RNF111: variants seen among roughly 807,000 people sequenced by gnomAD.
RNF111 encodes the protein E3 ubiquitin-protein ligase Arkadia.
A neutral mutation model predicts 95.1 loss-of-function variants in RNF111; 17 were observed. The ratio of observed to expected loss-of-function variants is 0.18; its 90% CI spans 0.12 to 0.27. RNF111 has a LOEUF of 0.27. Ranked by LOEUF, RNF111 falls within the 10% of genes least tolerant of loss-of-function variation. The pLI is 1.00. For synonymous variants in RNF111, 440 were observed against 414.8 expected (o/e 1.06, Z -0.74); for missense variants, 1,189 against 1,210.4 (o/e 0.98, Z 0.26).
chr15:59,035,339 C>G (rs2041125181), intron 2 of RNF111, among the ~76,000 whole-genome samples: 1 of 152,136 alleles, frequency 6.6e-6, no homozygotes, highest in Non-Finnish European at 1.5e-5. Flanking sequence ...CAACAGTCCC[C>G]CAAAGTCTTA....
intron 1 of RNF111, among the ~76,000 whole-genome samples, chr15:59,023,508 A>G (rs995783835): frequency 2.7e-5 from 4 of 150,574 alleles, no homozygotes; most frequent in Non-Finnish European, 5.9e-5. Flanking sequence ...AAGGAAAGTC[A>G]TTGATTTTTG....
intron 1 of RNF111, among the ~76,000 whole-genome samples, chr15:58,991,027 T>C (rs1322507233): frequency 6.6e-6 from 1 of 151,864 alleles, no homozygotes; most frequent in African/African-American, 2.4e-5. Flanking sequence ...TGGGTGCGCT[T>C]GCTCATACCT....
chr15:58,989,715 T>C (rs2038726888), intron 1 of RNF111, among the ~76,000 whole-genome samples: 1 of 152,208 alleles, frequency 6.6e-6, no homozygotes, highest in Non-Finnish European at 1.5e-5. Context: ...CTACAGATTA[T>C]TGAGAGAGAG....
At chr15:59,088,289 G>C (rs1472970557) in intron 10 of RNF111, among the ~76,000 whole-genome samples, 1 of 152,186 alleles carries the variant, frequency 6.6e-6, no homozygotes, top group African/African-American at 2.4e-5. Flanking sequence ...CTGGAGGAAA[G>C]AGACTAGGGA....
intron 1 of RNF111, among the ~76,000 whole-genome samples, chr15:58,994,298 C>T (rs1200132417): frequency 6.6e-5 from 10 of 151,716 alleles, no homozygotes; most frequent in African/African-American, 2.4e-4. Context: ...CTTGGCCTCC[C>T]AAAGTGCTGG....
intron 2 of RNF111, among the ~76,000 whole-genome samples, chr15:59,039,425 G>A (rs1307004435): frequency 6.6e-6 from 1 of 152,174 alleles, no homozygotes; most frequent in Admixed American, 6.5e-5. Context: ...CCACTTCTCA[G>A]AATGACTTAG....
intron 2 of RNF111, among the ~76,000 whole-genome samples, chr15:59,037,665 C>T (rs777667954): frequency 9.9e-5 from 15 of 152,144 alleles, no homozygotes; most frequent in East Asian, 9.7e-4. Flanking sequence ...GGAGAAACCC[C>T]GTCTCTACTA....
Position 59,066,887 on chromosome 15 carries a change from T to C in RNF111, c.1490T>C (p.Leu497Ser). ...GGGTCGTCACAGAACCACCATGCAT[T>C]AGGACATCCTCATACAAGTTGCTTT... The part of the protein sequence containing the change: ...CGGSSQNHHA[L>S]GHPHTSCFQQ... The change falls in exon 6 of 14, where the codon TTA (leucine) becomes TCA (serine). Residue 497 changes from leucine (L) to serine (S), a missense_variant. Coordinates refer to ENST00000348370, the MANE Select transcript of RNF111 (RefSeq NM_017610.8). 1 of 1,614,032 alleles carries C rather than the reference T, an allele frequency of 6.2e-7. No individual in the cohort carries two copies. Among genetic ancestry groups the C allele is most frequent in the South Asian group, 1.1e-5 (1 of 91,076 alleles).
chr15:59,038,687 C>T (rs1314679170), intron 2 of RNF111, among the ~76,000 whole-genome samples: 6 of 152,140 alleles, frequency 3.9e-5, no homozygotes, highest in African/African-American at 1.4e-4. Context: ...ATAGACACTT[C>T]AACACACATG....
At chr15:59,013,272 C>G (rs574304980) in intron 1 of RNF111, among the ~76,000 whole-genome samples, 1 of 152,284 alleles carries the variant, frequency 6.6e-6, no homozygotes, top group African/African-American at 2.4e-5. Flanking sequence ...CTCAGTTACC[C>G]TTGTTGTTAA....
intron 2 of RNF111, chr15:59,049,502 A>G (rs1317547678): frequency 2.0e-5 from 4 of 196,726 alleles, no homozygotes; most frequent in African/African-American, 7.3e-5. Flanking sequence ...CTTCAGTTGT[A>G]CCTAGGTACC....
At chr15:59,005,117 A>G (rs1202247279) in intron 1 of RNF111, among the ~76,000 whole-genome samples, 8 of 152,332 alleles carry the variant, frequency 5.3e-5, no homozygotes, top group Non-Finnish European at 1.0e-4. Flanking sequence ...CAGTATGCCT[A>G]TACTGTCAGC....
At chr15:59,037,187 T>G (rs2041222079) in intron 2 of RNF111, among the ~76,000 whole-genome samples, 1 of 152,172 alleles carries the variant, frequency 6.6e-6, no homozygotes, top group African/African-American at 2.4e-5. Flanking sequence ...CTTCTTGCTG[T>G]CCCATTATTA....
intron 6 of RNF111, among the ~76,000 whole-genome samples, chr15:59,075,398 C>G (rs1009644945): frequency 1.3e-5 from 2 of 152,164 alleles, no homozygotes; most frequent in South Asian, 2.1e-4. Context: ...AAAGGTAATT[C>G]ATGATTTAGT....
intron 7 of RNF111, among the ~76,000 whole-genome samples, chr15:59,078,004 C>T (rs2078616369): frequency 6.6e-6 from 1 of 152,180 alleles, no homozygotes; most frequent in Non-Finnish European, 1.5e-5. Context: ...AACCTTTTTT[C>T]ATCCAGAATG....
At chr15:59,058,779 G>A in intron 5 of RNF111, 3 of 439,032 alleles carry the variant, frequency 6.8e-6, no homozygotes, top group Non-Finnish European at 8.2e-6. Flanking sequence ...GAGAGCTTGG[G>A]GAGAAGCAAA....
At chr15:59,045,254 G>T (rs929018700) in intron 2 of RNF111, among the ~76,000 whole-genome samples, 1 of 150,312 alleles carries the variant, frequency 6.7e-6, no homozygotes, top group Non-Finnish European at 1.5e-5. Context: ...GCAGTGGCAC[G>T]ATCTTGGCTC....
intron 3 of RNF111, among the ~76,000 whole-genome samples, 159 bp from the exon 4 acceptor site, chr15:59,055,523 T>TAGTTGGTGATTCATTCAGCAA (rs6145581): frequency 0.43 from 65,437 of 151,672 alleles, 15,198 homozygotes; most frequent in African/African-American, 0.61. Flanking sequence ...TTAGGTCAAT[T>TAGTTGGTGATTCATTCAGCAA]AGTTTACCGA....
intron 1 of RNF111, among the ~76,000 whole-genome samples, chr15:59,006,322 A>G (rs1448819290): frequency 2.6e-5 from 4 of 152,204 alleles, no homozygotes; most frequent in South Asian, 4.1e-4. Context: ...AAAACATTCC[A>G]TCACTCTAGA....
Sources: gnomAD v4.1 joint callset for allele counts (sites outside exome capture counted in the v4.1 genomes callset) on GRCh38, gnomAD v4.1.1 for gene constraint, MANE v1.5 for transcripts, NCBI Gene and HGNC (gene_info 2026-07-23, HGNC 2026-07-21) for gene names.